Variants in CLVS1 observed in about 807,000 individuals in gnomAD.
CLVS1 encodes the protein clavesin 1.
In CLVS1, 10 loss-of-function variants were observed where a neutral mutation model predicts 33.1. The ratio of observed to expected loss-of-function variants is 0.30; its 90% CI spans 0.19 to 0.51. The LOEUF (loss-of-function observed/expected upper bound fraction) is 0.51. CLVS1 is among the 20% of genes least tolerant of loss of function. CLVS1 has a pLI of 0.97. For missense variants in CLVS1, 343 were observed against 433.4 expected (o/e 0.79, Z 1.85); for synonymous variants, 163 against 166.1 (o/e 0.98, Z 0.14).
intron 2 of CLVS1, among the ~76,000 whole-genome samples, chr8:61,205,629 G>A (rs1369360187): frequency 6.6e-6 from 1 of 152,168 alleles, no homozygotes; most frequent in African/African-American, 2.4e-5. Context: ...ACTTCCAGAA[G>A]TGGACTTGCT....
chr8:61,078,597 C>T (rs1028901038), intron 1 of CLVS1, among the ~76,000 whole-genome samples: 3 of 152,156 alleles, frequency 2.0e-5, no homozygotes, highest in South Asian at 2.1e-4. Context: ...CATTCTGAAA[C>T]GGATTGGATT....
At chr8:61,069,305 A>G (rs974274739) in intron 1 of CLVS1, among the ~76,000 whole-genome samples, 2 of 152,208 alleles carry the variant, frequency 1.3e-5, no homozygotes, top group Non-Finnish European at 2.9e-5. Context: ...GGCCATTCCC[A>G]GTGCACCAGC....
chr8:61,046,431 C>CA, the CLVS1 span, among the ~76,000 whole-genome samples: 1 of 146,688 alleles, frequency 6.8e-6, no homozygotes, highest in African/African-American at 2.6e-5. Flanking sequence ...GTGATGCCTC[C>CA]AGCTTTGTTC....
chr8:61,057,767 G>C (rs918724355), intron 1 of CLVS1, among the ~76,000 whole-genome samples: 5 of 152,144 alleles, frequency 3.3e-5, no homozygotes, highest in Non-Finnish European at 5.9e-5. Context: ...GCTTGAAGTG[G>C]GTGGATAAAA....
intron 1 of CLVS1, among the ~76,000 whole-genome samples, chr8:61,091,099 T>A (rs552064235): frequency 5.5e-4 from 83 of 152,240 alleles, no homozygotes; most frequent in South Asian, 4.1e-3. Context: ...CCATGGGAGA[T>A]TAGCCTGGGT....
chr8:61,243,224 AG>A, intron 2 of CLVS1, among the ~76,000 whole-genome samples: 1 of 152,348 alleles, frequency 6.6e-6, no homozygotes, highest in Middle Eastern at 3.4e-3. Flanking sequence ...TTTTTAAAAA[AG>A]TATTGTACAT....
intron 4 of CLVS1, among the ~76,000 whole-genome samples, chr8:61,457,772 A>C (rs898974127): frequency 2.6e-5 from 4 of 152,200 alleles, no homozygotes; most frequent in Non-Finnish European, 5.9e-5. Context: ...AAAACAAACA[A>C]ACAAACAAAA....
intron 2 of CLVS1, among the ~76,000 whole-genome samples, chr8:61,254,868 C>G (rs551692154): frequency 6.6e-6 from 1 of 152,166 alleles, no homozygotes; most frequent in Non-Finnish European, 1.5e-5. Context: ...TTGAACTTCC[C>G]GGGTGAGGTG....
At chr8:60,989,027 C>T in the CLVS1 span, among the ~76,000 whole-genome samples, 7 of 152,046 alleles carry the variant, frequency 4.6e-5, no homozygotes, top group African/African-American at 1.7e-4. Flanking sequence ...ACCATGCCAG[C>T]TAATTACAAA....
chr8:61,026,754 C>T, the CLVS1 span, among the ~76,000 whole-genome samples: 1 of 152,212 alleles, frequency 6.6e-6, no homozygotes. Flanking sequence ...GAGAAGCTAA[C>T]ACTTGAAGAA....
intron 2 of CLVS1, among the ~76,000 whole-genome samples, chr8:61,236,935 C>T (rs1808575551): frequency 6.6e-6 from 1 of 152,120 alleles, no homozygotes; most frequent in Non-Finnish European, 1.5e-5. Context: ...TGGTGGATGG[C>T]AGAATAGAGT....
At chr8:61,428,387 A>G (rs1815974473) in intron 3 of CLVS1, among the ~76,000 whole-genome samples, 1 of 152,224 alleles carries the variant, frequency 6.6e-6, no homozygotes, top group Admixed American at 6.5e-5. Context: ...TAAAACTTTT[A>G]TCTTGAGCAA....
intron 2 of CLVS1, among the ~76,000 whole-genome samples, chr8:61,205,397 T>A (rs1807819441): frequency 6.6e-6 from 1 of 152,246 alleles, no homozygotes; most frequent in African/African-American, 2.4e-5. Flanking sequence ...TCGTGTTGCA[T>A]AAAGACTTCA....
chr8:61,500,069 A>C lies in CLVS1; in HGVS notation c.*527A>C, dbSNP rs892504045. ...CCTTTGACCTCATCACCAGCATCGA[A>C]TTGTTCAGCCTAAGAGCATGTTCTC... On this transcript the variant is annotated 3_prime_UTR_variant, in exon 6 of 6. Coordinates refer to ENST00000325897, the MANE Select transcript of CLVS1 (RefSeq NM_173519.3). The C allele has an allele frequency of 1.4e-4, 22 of 152,854 alleles. No individual in the cohort carries two copies. Among genetic ancestry groups the C allele is most frequent in the Non-Finnish European group, 3.2e-4 (22 of 68,258 alleles). 9.5% of individuals were successfully genotyped at this position (152,854 alleles called of 1,614,324 possible). A position where few individuals can be genotyped will look rare whatever the true frequency, so the allele number is the denominator to read the frequency against.
chr8:61,206,615 G>T (rs1293773958), intron 2 of CLVS1, among the ~76,000 whole-genome samples: 2 of 141,694 alleles, frequency 1.4e-5, no homozygotes, highest in Admixed American at 7.2e-5. Flanking sequence ...TTGAGATGGA[G>T]TCTCGCTCTG....
chr8:61,136,845 G>A (rs1044712540), intron 2 of CLVS1, among the ~76,000 whole-genome samples: 2 of 152,158 alleles, frequency 1.3e-5, no homozygotes, highest in African/African-American at 4.8e-5. Flanking sequence ...TAAAATAAAT[G>A]TTAAGAAAAC....
chr8:61,499,591 G>A lies in CLVS1; in HGVS notation c.*49G>A. ...TGCACACTGGCCTTCAGTGGTATCAGCCACCCAGGAAGCACATGCACAACT... is the reference window on the plus strand; with the variant it reads ...TGCACACTGGCCTTCAGTGGTATCAACCACCCAGGAAGCACATGCACAACT... On this transcript the variant is annotated 3_prime_UTR_variant, in exon 6 of 6. Transcript: ENST00000325897. 1 of 1,431,302 alleles carries A rather than the reference G, an allele frequency of 7.0e-7. No homozygotes were observed. Among genetic ancestry groups the A allele is most frequent in the Non-Finnish European group, 9.9e-7 (1 of 1,014,896 alleles). The allele number at this position is 1,431,302 out of a possible 1,614,324, so 88.7% of individuals were successfully genotyped here. A position where few individuals can be genotyped will look rare whatever the true frequency, so the allele number is the denominator to read the frequency against.
chr8:61,251,025 C>T (rs1306933247), intron 2 of CLVS1, among the ~76,000 whole-genome samples: 2 of 152,190 alleles, frequency 1.3e-5, no homozygotes, highest in East Asian at 1.9e-4. Flanking sequence ...AGTTTTTGCC[C>T]ATTCAGTATG....
intron 2 of CLVS1, among the ~76,000 whole-genome samples, chr8:61,366,227 A>T (rs1319575798): frequency 6.6e-6 from 1 of 152,004 alleles, no homozygotes. Flanking sequence ...ACCCTTCCCC[A>T]TTTATATTTT....
Sources: gnomAD v4.1 joint callset for allele counts (sites outside exome capture counted in the v4.1 genomes callset) on GRCh38, gnomAD v4.1.1 for gene constraint, MANE v1.5 for transcripts, NCBI Gene and HGNC (gene_info 2026-07-23, HGNC 2026-07-21) for gene names.